The following NTRK1 variants were observed in gnomAD, a reference collection of about 807,000 sequenced individuals.
NTRK1 encodes the protein neurotrophic receptor tyrosine kinase 1.
In NTRK1, 62 loss-of-function variants were observed where a neutral mutation model predicts 86.8. The observed-to-expected ratio is 0.71, with a 90% CI of 0.58 to 0.88. NTRK1 has a LOEUF of 0.88. Ranked by LOEUF, NTRK1 falls within the 40% of genes least tolerant of loss-of-function variation. The probability of loss-of-function intolerance (pLI) is 0.00; values close to 1 mark genes in which losing one functional copy is unlikely to be tolerated. For missense variants in NTRK1, 967 were observed against 1,078.4 expected, an observed-to-expected ratio of 0.90 and a Z score of 1.45; for synonymous variants, 469 against 456.6, an observed-to-expected ratio of 1.03 and a Z score of -0.35.
chr1:156,845,636 G>C, intron 2 of NTRK1: 1 of 1,608,664 alleles, frequency 6.2e-7, no homozygotes, highest in Non-Finnish European at 8.5e-7. Flanking sequence ...TGGTGATCGC[G>C]TTGTGTAGAA....
At chr1:156,840,520 T>A (rs893394120) in intron 1 of NTRK1, 3 of 307,506 alleles carry the variant, frequency 9.8e-6, no homozygotes, top group Admixed American at 4.5e-5. Flanking sequence ...GCCCTACCTG[T>A]CCAGAGGAGA....
In NTRK1 at chr1:156,854,026, T is replaced by C; in HGVS notation, c.51-10328T>C. ...CAGGCAGTGCCACGTCACGCAGATG[T>C]GGCATCTCAAAGATGACCAGTGCAT... is the stretch of plus-strand genomic sequence containing the variant. On this transcript the variant is annotated intron_variant, in intron 2 of 16. Transcript: ENST00000392302. This position sits in a 1 kb window ranked among gnomAD's most constrained non-coding sequence, Gnocchi z 4.2. 6.2e-7 allele frequency: 1 copy of C among 1,614,020 alleles called. No individual in the cohort carries two copies. The highest frequency in any genetic ancestry group is 8.5e-7 in the Non-Finnish European group (1 of 1,179,998).
In NTRK1 at chr1:156,876,421, A is replaced by G. The variant is rs753191749; in HGVS notation, c.1654A>G (p.Ser552Gly). The G allele has an allele frequency of 6.2e-7, 1 of 1,613,782 alleles. No homozygotes were observed. The highest frequency in any genetic ancestry group is 8.5e-7 in the Non-Finnish European group (1 of 1,179,998). The change falls in exon 14 of 17, where the codon AGT (serine) becomes GGT (glycine). Residue 552 changes from serine to glycine, a missense_variant. Physicochemically the swap from Ser to Gly is moderately conservative, Grantham distance 56 (BLOSUM62 0). Transcript: ENST00000524377. ...CCAGGCACTGAAGGAGGCGTCCGAG[A>G]GTGCTCGGCAGGACTTCCAGCGTGA... ...AVKALKEASE[S>G]ARQDFQREAE...
chr1:156,864,984 C>G (rs1571685940), intron 3 of NTRK1, 185 bp downstream of exon 3: 6 of 660,222 alleles, frequency 9.1e-6, no homozygotes, highest in Admixed American at 2.2e-5. Flanking sequence ...TCGCCCCTGA[C>G]AGCTAGAGGT....
chr1:156,818,713 C>T (rs570333048), intron 1 of NTRK1, among the ~76,000 whole-genome samples: 1 of 152,198 alleles, frequency 6.6e-6, no homozygotes, highest in Admixed American at 6.5e-5. Context: ...TTTCTTTATC[C>T]ACTCATTGGT....
intron 1 of NTRK1, among the ~76,000 whole-genome samples, chr1:156,824,159 C>T (rs1315309775): frequency 6.6e-6 from 1 of 152,200 alleles, no homozygotes; most frequent in African/African-American, 2.4e-5. Context: ...CCAGGTGCCA[C>T]TTCCCTGTAG....
At chr1:156,857,040 G>GCC (rs958246551), upstream of NTRK1, among the ~76,000 whole-genome samples, 5 of 152,076 alleles carry the variant, frequency 3.3e-5, no homozygotes, top group East Asian at 9.7e-4. Context: ...CGCTATCCAG[G>GCC]CCCCATTCCT....
rs755038246 is a variant in NTRK1 at position 156,873,879 on chromosome 1, C to G, written c.1097C>G (p.Pro366Arg). ...AACTACACGCTGCTGGCTGCCAACC[C>G]CTTCGGCCAGGCCTCCGCCTCCATC... ...NGNYTLLAAN[P>R]FGQASASIMA... The change falls in exon 8 of 17, where the codon CCC (proline) becomes CGC (arginine). Residue 366 changes from proline (P) to arginine (R), a missense_variant. Physicochemically the swap from Pro to Arg is moderately radical, Grantham distance 103. This residue lies in a region of NTRK1 where 637 missense variants were observed against 776.5 expected (regional missense o/e 0.82). Transcript: ENST00000524377. 1.3e-6 allele frequency: 2 copies of G among 1,592,248 alleles called. No homozygotes were observed. Among genetic ancestry groups the G allele is most frequent in the Middle Eastern group, 1.7e-4 (1 of 6,056 alleles).
intron 8 of NTRK1, 48 bp downstream of exon 8, chr1:156,874,007 G>A (rs1248109612): frequency 2.0e-6 from 3 of 1,532,776 alleles, no homozygotes; most frequent in East Asian, 2.5e-5. Context: ...GCTCCTCCTG[G>A]GTTACAGCCA....
At chr1:156,872,613 T>A (rs1460429777) in intron 7 of NTRK1, among the ~76,000 whole-genome samples, 1 of 151,638 alleles carries the variant, frequency 6.6e-6, no homozygotes, top group Non-Finnish European at 1.5e-5. Context: ...ATACATATAT[T>A]TATGCATACA....
At chr1:156,815,919 C>G in intron 1 of NTRK1, 1 of 1,610,624 alleles carries the variant, frequency 6.2e-7, no homozygotes, top group South Asian at 1.1e-5. Context: ...CTTGGAGTGG[C>G]CTTTGTCCAT....
At chr1:156,835,667 G>A (rs1304636627) in intron 1 of NTRK1, among the ~76,000 whole-genome samples, 1 of 152,064 alleles carries the variant, frequency 6.6e-6, no homozygotes, top group Non-Finnish European at 1.5e-5. Flanking sequence ...AGTTCATCCT[G>A]GCCATCTTTC....
intron 11 of NTRK1, among the ~76,000 whole-genome samples, 176 bp downstream of exon 11, chr1:156,875,184 G>C (rs1023481890): frequency 3.3e-5 from 5 of 152,046 alleles, no homozygotes; most frequent in African/African-American, 1.2e-4. Context: ...GAGTGTGTGT[G>C]GGAGCGTGTG....
intron 4 of NTRK1, among the ~76,000 whole-genome samples, chr1:156,867,751 G>A (rs189582841): frequency 3.8e-4 from 58 of 151,532 alleles, no homozygotes; most frequent in African/African-American, 1.3e-3. Flanking sequence ...TCGGCTCACT[G>A]CAAGCTCCGC....
At chr1:156,864,513 G>C (rs899890564) in intron 2 of NTRK1, 85 bp downstream of exon 2, 27 of 1,418,432 alleles carry the variant, frequency 1.9e-5, no homozygotes, top group Non-Finnish European at 2.4e-5. Flanking sequence ...AGCATCCGAG[G>C]GCCTGGGAGG....
intron 2 of NTRK1, chr1:156,846,493 G>T: frequency 1.3e-6 from 2 of 1,576,742 alleles, no homozygotes; most frequent in South Asian, 2.2e-5. Context: ...GCGTCTGACT[G>T]ACTCTTGCAC....
chr1:156,881,797 T>G lies in NTRK1; in HGVS notation c.*155T>G. On this transcript the variant is annotated 3_prime_UTR_variant, in exon 17 of 17. Transcript: ENST00000524377. ...AGGTGGGGGCTGGGAGTAGAGGATG[T>G]TCCTGCTTCTCTAGGCAAGGTCCCG... is the stretch of plus-strand genomic sequence containing the variant. The G allele has an allele frequency of 1.4e-6, 1 of 696,290 alleles. No individual in the cohort carries two copies. Among genetic ancestry groups the G allele is most frequent in the Non-Finnish European group, 2.3e-6 (1 of 437,938 alleles). 43.1% of individuals were successfully genotyped at this position (696,290 alleles called of 1,614,324 possible). A position where few individuals can be genotyped will look rare whatever the true frequency, so the allele number is the denominator to read the frequency against.
intron 1 of NTRK1, among the ~76,000 whole-genome samples, chr1:156,838,860 G>A (rs1302441073): frequency 1.3e-5 from 2 of 152,242 alleles, no homozygotes; most frequent in East Asian, 3.8e-4. Flanking sequence ...AGTGGGGAGA[G>A]GGGTTGACCC....
intron 1 of NTRK1, 61 bp from the exon 2 acceptor site, chr1:156,864,293 G>C: frequency 6.5e-7 from 1 of 1,531,116 alleles, no homozygotes; most frequent in Non-Finnish European, 9.1e-7. Context: ...GAGTAAGTGG[G>C]TGGGCATGGG....
Sources: allele counts gnomAD v4.1 joint callset (sites outside exome capture counted in the v4.1 genomes callset), GRCh38; gene constraint gnomAD v4.1.1; regional missense constraint gnomAD v4.1.1; non-coding constraint Gnocchi (gnomAD v3.1); transcripts MANE v1.5; gene names NCBI Gene and HGNC (gene_info 2026-07-23, HGNC 2026-07-21).